The following SELENOF variants were observed in gnomAD, a reference collection of about 807,000 sequenced individuals.
SELENOF encodes 15 kDa selenoprotein.
SELENOF carries 16 observed loss-of-function variants against 20.5 expected under a neutral mutation model. The observed-to-expected ratio is 0.78, with a 90% CI of 0.53 to 1.19. SELENOF has a LOEUF of 1.19. SELENOF is among the 50% of genes most tolerant of loss of function. The pLI, the probability that SELENOF is intolerant of heterozygous loss-of-function variation, is 0.00. For synonymous variants in SELENOF, 78 were observed against 74.5 expected (o/e 1.05, Z -0.24); for missense variants, 215 against 194.2 (o/e 1.11, Z -0.64).
intron 2 of SELENOF, among the ~76,000 whole-genome samples, chr1:86,887,677 T>C (rs1351713912): frequency 1.3e-5 from 2 of 152,130 alleles, no homozygotes; most frequent in Non-Finnish European, 2.9e-5. Flanking sequence ...AATACTGTGA[T>C]GACAAACAGG....
intron 3 of SELENOF, among the ~76,000 whole-genome samples, chr1:86,877,090 C>G (rs973769999): frequency 6.6e-6 from 1 of 152,118 alleles, no homozygotes; most frequent in African/African-American, 2.4e-5. Flanking sequence ...AATAACAATA[C>G]TTACCATTTA....
At chr1:86,879,301 AAAAT>A (rs1247787292) in intron 3 of SELENOF, among the ~76,000 whole-genome samples, 5 of 152,258 alleles carry the variant, frequency 3.3e-5, no homozygotes, top group Admixed American at 6.5e-5. Flanking sequence ...TGTTTGAGGC[AAAAT>A]AAATAAATAA....
intron 1 of SELENOF, among the ~76,000 whole-genome samples, chr1:86,908,186 G>A (rs755412970): frequency 3.2e-4 from 48 of 152,172 alleles, no homozygotes; most frequent in Non-Finnish European, 4.7e-4. Context: ...CTACATATTC[G>A]TTGTCTCTTC....
upstream of SELENOF, chr1:86,914,136 G>A: frequency 6.2e-7 from 1 of 1,610,426 alleles, no homozygotes; most frequent in African/African-American, 1.3e-5. Flanking sequence ...TGGCTGCCTA[G>A]AAGGACCCCT....
upstream of SELENOF, chr1:86,914,195 G>A (rs1048850803): frequency 1.1e-5 from 14 of 1,219,292 alleles, no homozygotes; most frequent in African/African-American, 1.9e-4. Context: ...GAACGCTAAC[G>A]GCCGTTGCCC....
At chr1:86,890,980 T>C (rs943027451) in intron 2 of SELENOF, among the ~76,000 whole-genome samples, 4 of 152,108 alleles carry the variant, frequency 2.6e-5, no homozygotes, top group Non-Finnish European at 5.9e-5. Context: ...ACATTAGATA[T>C]TATGTTTTCG....
chr1:86,879,433 CATT>C (rs1412311505), intron 3 of SELENOF, among the ~76,000 whole-genome samples: 4 of 152,194 alleles, frequency 2.6e-5, no homozygotes, highest in African/African-American at 9.6e-5. Context: ...CTTTGGGCCT[CATT>C]AAGTATCCCA....
chr1:86,870,414 T>C (rs372742515), intron 3 of SELENOF, among the ~76,000 whole-genome samples: 1 of 152,210 alleles, frequency 6.6e-6, no homozygotes, highest in African/African-American at 2.4e-5. Context: ...ACAAAAATGA[T>C]CTTATGATTT....
intron 2 of SELENOF, among the ~76,000 whole-genome samples, chr1:86,898,632 A>G (rs1367571488): frequency 1.5e-5 from 2 of 134,410 alleles, no homozygotes; most frequent in Non-Finnish European, 3.1e-5. Flanking sequence ...CCCAGGTTGG[A>G]GTGCAGTGGT....
chr1:86,895,993 C>T (rs1327967509), intron 2 of SELENOF, among the ~76,000 whole-genome samples: 1 of 152,034 alleles, frequency 6.6e-6, no homozygotes, highest in Non-Finnish European at 1.5e-5. Context: ...TTTGGGAGGC[C>T]GAGGGGAGTG....
rs1007517353 is a variant in SELENOF at position 86,884,332 on chromosome 1, C to T, written c.253-3607G>A. ...TAAAAGCATTAATCTGTGTTGTTAG[C>T]GGGCGCACATACATACACACACACA... On this transcript the variant is annotated intron_variant, in intron 2 of 4. Coordinates refer to ENST00000331835, the MANE Select transcript of SELENOF (RefSeq NM_004261.5). Among the ~76,000 whole-genome samples the T allele has an allele frequency of 5.4e-5, 8 of 148,018 alleles. No individual in the cohort carries two copies. In the East Asian group the frequency reaches 5.8e-4, roughly 11 times the overall value.
chr1:86,886,625 T>C (rs1659227447), intron 2 of SELENOF, among the ~76,000 whole-genome samples: 1 of 152,144 alleles, frequency 6.6e-6, no homozygotes, highest in African/African-American at 2.4e-5. Flanking sequence ...TTTGTTTATA[T>C]TAAAAGAAGT....
At chr1:86,911,483 T>C (rs1659979984) in intron 1 of SELENOF, among the ~76,000 whole-genome samples, 1 of 152,174 alleles carries the variant, frequency 6.6e-6, no homozygotes, top group African/African-American at 2.4e-5. Flanking sequence ...AAGTGCCTCC[T>C]TAAGGAACAT....
In SELENOF at chr1:86,868,206, C is replaced by G. The variant is rs896218058; in HGVS notation, c.317-104G>C. 9.8e-6 allele frequency: 5 copies of G among 509,898 alleles called. No individual in the cohort carries two copies. The African/African-American group carries it at 1.0e-4, about 10-fold the overall frequency. 31.6% of individuals were successfully genotyped at this position (509,898 alleles called of 1,614,324 possible). Reference sequence around the variant, plus strand: ...ATAAACAACAAATCAAACATTATATCCTATATGAAAAAACTAAGAAAATTT... The same window carrying G: ...ATAAACAACAAATCAAACATTATATGCTATATGAAAAAACTAAGAAAATTT... On this transcript the variant is annotated intron_variant, in intron 3 of 4. Coordinates refer to ENST00000331835, the MANE Select transcript of SELENOF (RefSeq NM_004261.5).
intron 1 of SELENOF, among the ~76,000 whole-genome samples, chr1:86,905,882 G>GAGTA (rs4001046): frequency 6.6e-6 from 1 of 151,952 alleles, no homozygotes. Context: ...ATGAATGAAT[G>GAGTA]TGTCTGTGTT....
intron 2 of SELENOF, among the ~76,000 whole-genome samples, chr1:86,898,182 G>T (rs771121698): frequency 6.6e-6 from 1 of 152,186 alleles, no homozygotes; most frequent in Non-Finnish European, 1.5e-5. Flanking sequence ...TACCCGGGTT[G>T]TGAGCAAAGC....
intron 2 of SELENOF, among the ~76,000 whole-genome samples, chr1:86,902,510 T>G (rs909265717): frequency 1.5e-4 from 23 of 152,216 alleles, no homozygotes; most frequent in Admixed American, 8.5e-4. Context: ...GAATTCAGCA[T>G]GTACAAGTCA....
intron 3 of SELENOF, among the ~76,000 whole-genome samples, chr1:86,870,657 G>T (rs1306054890): frequency 6.6e-6 from 1 of 150,998 alleles, no homozygotes. Context: ...TTGCTCTGTC[G>T]CCCAGGCTGG....
intron 3 of SELENOF, among the ~76,000 whole-genome samples, chr1:86,877,007 A>G (rs1262661906): frequency 6.6e-6 from 1 of 152,244 alleles, no homozygotes; most frequent in African/African-American, 2.4e-5. Flanking sequence ...AAGATGGCCA[A>G]TATATGAGTA....
Sources: gnomAD v4.1 joint callset for allele counts (sites outside exome capture counted in the v4.1 genomes callset) on GRCh38, gnomAD v4.1.1 for gene constraint, MANE v1.5 for transcripts, NCBI Gene and HGNC (gene_info 2026-07-23, HGNC 2026-07-21) for gene names.